The following PBRM1 variants were observed in gnomAD, a reference collection of about 807,000 sequenced individuals.
The protein encoded by PBRM1 is protein polybromo-1.
Under a neutral mutation model 194.5 loss-of-function variants are expected in PBRM1, and 27 were observed. The observed-to-expected ratio is 0.14, with a 90% CI of 0.10 to 0.19. The LOEUF (loss-of-function observed/expected upper bound fraction) is 0.19. Ranked by LOEUF, PBRM1 falls within the 10% of genes least tolerant of loss-of-function variation. The pLI, the probability that PBRM1 is intolerant of heterozygous loss-of-function variation, is 1.00. For synonymous variants in PBRM1, 655 were observed against 693.2 expected (o/e 0.94, Z 0.87); for missense variants, 1,466 against 2,077.2 (o/e 0.71, Z 5.72).
At chr3:52,679,968 G>A (rs2097175092), upstream of PBRM1, among the ~76,000 whole-genome samples, 2 of 151,160 alleles carry the variant, frequency 1.3e-5, no homozygotes, top group South Asian at 4.2e-4. Flanking sequence ...ATATTCATTT[G>A]TATATCAGCA....
chr3:52,579,709 T>C (rs1486578452), intron 20 of PBRM1, among the ~76,000 whole-genome samples: 2 of 152,220 alleles, frequency 1.3e-5, no homozygotes, highest in Admixed American at 6.5e-5. Flanking sequence ...TTATCAAGTA[T>C]CTATTTGAAA....
intron 4 of PBRM1, among the ~76,000 whole-genome samples, chr3:52,661,134 T>C (rs937715060): frequency 7.2e-5 from 11 of 152,188 alleles, no homozygotes; most frequent in Non-Finnish European, 1.5e-4. Flanking sequence ...CAAGCGATTA[T>C]CCTGCCTCAG....
intron 20 of PBRM1, among the ~76,000 whole-genome samples, chr3:52,580,575 G>T (rs2153698580): frequency 6.6e-6 from 1 of 152,198 alleles, no homozygotes; most frequent in East Asian, 1.9e-4. Context: ...TGTTAGCCAG[G>T]ATGGTCTTGA....
At chr3:52,630,894 T>A (rs926954321) in intron 11 of PBRM1, among the ~76,000 whole-genome samples, 1 of 152,178 alleles carries the variant, frequency 6.6e-6, no homozygotes, top group African/African-American at 2.4e-5. Flanking sequence ...ACTAAGCTAC[T>A]GTAATAGACT....
chr3:52,679,522 TA>T (rs1487070379), intron 1 of PBRM1, 51 bp downstream of exon 2: 4 of 1,523,862 alleles, frequency 2.6e-6, no homozygotes, highest in East Asian at 4.6e-5. Flanking sequence ...AAAGGGAAGA[TA>T]GGGGAATTGT....
intron 27 of PBRM1, among the ~76,000 whole-genome samples, chr3:52,553,951 C>T (rs150159327): frequency 3.3e-5 from 5 of 152,080 alleles, no homozygotes; most frequent in East Asian, 3.9e-4. Context: ...CATGAGCCAT[C>T]GTGCCCGGCC....
At chr3:52,662,745 G>A (rs539697312) in intron 3 of PBRM1, among the ~76,000 whole-genome samples, 3 of 150,724 alleles carry the variant, frequency 2.0e-5, no homozygotes, top group Admixed American at 6.6e-5. Context: ...AGAATCACTT[G>A]AACCAGAGAG....
intron 11 of PBRM1, 63 bp downstream of exon 12, chr3:52,634,539 A>G (rs1313550408): frequency 3.7e-6 from 4 of 1,089,208 alleles, no homozygotes; most frequent in Non-Finnish European, 5.6e-6. Context: ...GAAGAAATAC[A>G]TTATGTGCAG....
At chr3:52,549,726 G>A (rs112585222) in intron 29 of PBRM1, among the ~76,000 whole-genome samples, 6,002 of 151,946 alleles carry the variant, frequency 0.04, 398 homozygotes, top group African/African-American at 0.14. Flanking sequence ...CCAAAACGGC[G>A]AAACCCCATC....
chr3:52,613,873 C>T (rs1044437466), intron 15 of PBRM1, among the ~76,000 whole-genome samples: 1 of 152,064 alleles, frequency 6.6e-6, no homozygotes, highest in Admixed American at 6.5e-5. Flanking sequence ...AGGAAATTAA[C>T]ATCCCACATA....
chr3:52,662,207 C>G, exon 4 of PBRM1: 1 of 1,613,858 alleles, frequency 6.2e-7, no homozygotes, highest in Non-Finnish European at 8.5e-7. Context: ...CCTTTCTGAA[C>G]AAACTCATTT....
intron 16 of PBRM1, among the ~76,000 whole-genome samples, chr3:52,604,680 C>T (rs958123435): frequency 6.6e-6 from 1 of 151,402 alleles, no homozygotes; most frequent in Non-Finnish European, 1.5e-5. Flanking sequence ...GGCAACAGAG[C>T]AAGACCCTGT....
chr3:52,628,373 A>AG, intron 12 of PBRM1, among the ~76,000 whole-genome samples: 1 of 150,458 alleles, frequency 6.6e-6, no homozygotes, highest in Non-Finnish European at 1.5e-5. Flanking sequence ...CCAAAAAAAA[A>AG]AAAAATTCAG....
At chr3:52,642,855 C>T (rs1013999463) in intron 9 of PBRM1, among the ~76,000 whole-genome samples, 6 of 149,552 alleles carry the variant, frequency 4.0e-5, no homozygotes, top group African/African-American at 1.5e-4. Flanking sequence ...GCCACGATGT[C>T]GGCTCACTGC....
At chr3:52,683,367 G>T (rs369535958), upstream of PBRM1, among the ~76,000 whole-genome samples, 1 of 149,540 alleles carries the variant, frequency 6.7e-6, no homozygotes, top group African/African-American at 2.5e-5. Context: ...GAGCGAGACC[G>T]TCTCAAGAAA....
At chr3:52,627,408 C>T in intron 12 of PBRM1, 38 bp from the exon 14 acceptor site, 3 of 1,177,668 alleles carry the variant, frequency 2.5e-6, no homozygotes, top group Non-Finnish European at 3.8e-6. Context: ...AGCTCATGTG[C>T]CAAACACTCC....
intron 27 of PBRM1, among the ~76,000 whole-genome samples, chr3:52,552,821 T>G (rs58242587): frequency 0.04 from 6,104 of 152,258 alleles, 411 homozygotes; most frequent in African/African-American, 0.14. Context: ...TAAGGCCAAG[T>G]CTACCTGCCA....
In PBRM1 at chr3:52,624,799, CA is replaced by C. The variant is rs550825255; in HGVS notation, c.1541+2473del. The C allele has an allele frequency of 2.5e-4, 196 of 790,226 alleles. No individual in the cohort carries two copies. The African/African-American group carries it at 3.0e-3, about 12-fold the overall frequency. 49.0% of individuals were successfully genotyped at this position (790,226 alleles called of 1,614,324 possible). On this transcript the variant is annotated intron_variant, in intron 13 of 29. Coordinates refer to ENST00000296302, the Ensembl canonical transcript of PBRM1. ...TGGCACCCCAATAAAGACTTTTTTT[CA>C]CATGCTTAAGGCTTCACTTTTCACC... is the stretch of plus-strand genomic sequence containing the variant.
At chr3:52,586,503 A>G in exon 20 of PBRM1, 1 of 1,614,068 alleles carries the variant, frequency 6.2e-7, no homozygotes, top group Non-Finnish European at 8.5e-7. Flanking sequence ...CTTTATCTGC[A>G]TTTGCAAATA....
Sources: gnomAD v4.1 joint callset for allele counts (sites outside exome capture counted in the v4.1 genomes callset) on GRCh38, gnomAD v4.1.1 for gene constraint, MANE v1.5 for transcripts, NCBI Gene and HGNC (gene_info 2026-07-23, HGNC 2026-07-21) for gene names.